Variants in FAM168A observed in about 807,000 individuals in gnomAD.
The protein encoded by FAM168A is family with sequence similarity 168 member A.
FAM168A carries 3 observed loss-of-function variants against 28.5 expected under a neutral mutation model. The observed-to-expected ratio is 0.11, with a 90% confidence interval of 0.05 to 0.27. FAM168A has a LOEUF of 0.27. FAM168A is among the 10% of genes least tolerant of loss of function. FAM168A has a pLI of 1.00. For synonymous variants in FAM168A, 122 were observed against 124.2 expected, an observed-to-expected ratio of 0.98 and a Z score of 0.12; for missense variants, 222 against 311.5, an observed-to-expected ratio of 0.71 and a Z score of 2.16.
rs1465984055 is a variant in FAM168A, at chr11:73,468,402, C to T, written c.70+3G>A. On this transcript the variant is annotated splice_donor_region_variant and intron_variant, in intron 2 of 7. Coordinates refer to ENST00000356467, the MANE Select transcript of FAM168A (RefSeq NM_015159.3). ...AAATGAGAGCCATTCTCACACTACT[C>T]ACCCGTGTAGGCCATGTTCTTAGGG... 9.9e-6 allele frequency: 16 copies of T among 1,613,764 alleles called. No homozygotes were observed. Among genetic ancestry groups the T allele is most frequent in the African/African-American group, 1.3e-5 (1 of 74,932 alleles).
At chr11:73,504,978 G>C (rs1315872398) in intron 1 of FAM168A, among the ~76,000 whole-genome samples, 2 of 152,064 alleles carry the variant, frequency 1.3e-5, no homozygotes, top group Non-Finnish European at 2.9e-5. Context: ...CACAGAGAGG[G>C]GAACAACACA....
chr11:73,411,271 G>A, intron 5 of FAM168A, 123 bp downstream of exon 5: 1 of 1,096,232 alleles, frequency 9.1e-7, no homozygotes, highest in Non-Finnish European at 1.3e-6. Context: ...ATACAACAAG[G>A]ACGGCTAGCC....
intron 1 of FAM168A, among the ~76,000 whole-genome samples, chr11:73,545,292 C>A (rs1427847642): frequency 6.6e-6 from 1 of 151,102 alleles, no homozygotes; most frequent in Non-Finnish European, 1.5e-5. Flanking sequence ...TCCCAAAGTG[C>A]TGGAATTACA....
intron 1 of FAM168A, among the ~76,000 whole-genome samples, chr11:73,519,744 C>G (rs78539709): frequency 6.6e-6 from 1 of 151,802 alleles, no homozygotes; most frequent in East Asian, 1.9e-4. Flanking sequence ...ACACAGAGAA[C>G]AAGGGAGAGA....
intron 1 of FAM168A, among the ~76,000 whole-genome samples, chr11:73,496,923 A>ACACG (rs1854900652): frequency 6.6e-6 from 1 of 151,608 alleles, no homozygotes; most frequent in African/African-American, 2.4e-5. Flanking sequence ...ACACGCACAC[A>ACACG]CACACACAGT....
intron 4 of FAM168A, chr11:73,412,356 T>A (rs961846656): frequency 2.6e-5 from 4 of 152,230 alleles, no homozygotes; most frequent in Non-Finnish European, 5.9e-5. Context: ...GGGCCATGTC[T>A]GTCCCTCAGC....
At chr11:73,449,730 G>A (rs1295413419) in intron 2 of FAM168A, among the ~76,000 whole-genome samples, 1 of 152,228 alleles carries the variant, frequency 6.6e-6, no homozygotes, top group Non-Finnish European at 1.5e-5. Flanking sequence ...CTCCTGCCAT[G>A]CAGGCATAAG....
intron 6 of FAM168A, among the ~76,000 whole-genome samples, chr11:73,408,366 G>C (rs1161160288): frequency 6.6e-6 from 1 of 152,200 alleles, no homozygotes; most frequent in Admixed American, 6.5e-5. Context: ...TTGCCAACTT[G>C]ATCTGAGGAG....
At chr11:73,495,271 G>A (rs1046169890) in intron 1 of FAM168A, among the ~76,000 whole-genome samples, 5 of 152,338 alleles carry the variant, frequency 3.3e-5, no homozygotes, top group South Asian at 4.1e-4. Flanking sequence ...AGAGCTTGCA[G>A]TGAGCCGAGA....
chr11:73,559,080 G>A (rs570217320), intron 1 of FAM168A, among the ~76,000 whole-genome samples: 2 of 152,288 alleles, frequency 1.3e-5, no homozygotes, highest in East Asian at 3.9e-4. Context: ...TCTATACAAT[G>A]TAATATTACT....
At chr11:73,431,733 T>C (rs1866998269) in intron 2 of FAM168A, among the ~76,000 whole-genome samples, 2 of 152,018 alleles carry the variant, frequency 1.3e-5, no homozygotes, top group Non-Finnish European at 2.9e-5. Context: ...GTATACTATA[T>C]TCAGTTTGGG....
intron 1 of FAM168A, among the ~76,000 whole-genome samples, chr11:73,547,947 T>C (rs1290658480): frequency 6.6e-6 from 1 of 152,134 alleles, no homozygotes; most frequent in African/African-American, 2.4e-5. Flanking sequence ...TGGATGAATC[T>C]CGAAGATATT....
At chr11:73,487,116 T>TG (rs1404745364) in intron 1 of FAM168A, among the ~76,000 whole-genome samples, 1 of 152,154 alleles carries the variant, frequency 6.6e-6, no homozygotes, top group African/African-American at 2.4e-5. Context: ...GCTTTTTTCC[T>TG]TTTTTCCAAC....
intron 1 of FAM168A, among the ~76,000 whole-genome samples, chr11:73,565,081 A>T (rs904917326): frequency 3.3e-4 from 51 of 152,278 alleles, no homozygotes; most frequent in Non-Finnish European, 1.0e-4. Context: ...CTGCCACAGA[A>T]GCTCATTTAA....
intron 3 of FAM168A, among the ~76,000 whole-genome samples, chr11:73,421,071 T>TGG (rs34056123): frequency 0.023 from 2,665 of 116,090 alleles, 72 homozygotes; most frequent in African/African-American, 0.072. Flanking sequence ...AATAAAGTCT[T>TGG]GGGGGGGGGG....
chr11:73,468,062 G>T (rs1867762224), intron 2 of FAM168A, among the ~76,000 whole-genome samples: 1 of 152,124 alleles, frequency 6.6e-6, no homozygotes, highest in South Asian at 2.1e-4. Context: ...ATAAATGGTA[G>T]CATTTTTTAA....
At chr11:73,461,666 T>C (rs1359413053) in intron 2 of FAM168A, among the ~76,000 whole-genome samples, 1 of 152,222 alleles carries the variant, frequency 6.6e-6, no homozygotes, top group African/African-American at 2.4e-5. Flanking sequence ...CAAAGGACAG[T>C]GAAGAGTCAT....
intron 1 of FAM168A, among the ~76,000 whole-genome samples, chr11:73,540,539 A>C (rs1314513690): frequency 6.6e-6 from 1 of 152,094 alleles, no homozygotes; most frequent in African/African-American, 2.4e-5. Flanking sequence ...CCTTCTTACT[A>C]TTCCACAAAA....
chr11:73,489,842 C>T (rs898648568), intron 1 of FAM168A, among the ~76,000 whole-genome samples: 3 of 152,126 alleles, frequency 2.0e-5, no homozygotes, highest in African/African-American at 7.2e-5. Flanking sequence ...CATCACTTGG[C>T]TTTTGGACAC....
Sources: gnomAD v4.1 joint callset for allele counts (sites outside exome capture counted in the v4.1 genomes callset) on GRCh38, gnomAD v4.1.1 for gene constraint, MANE v1.5 for transcripts, NCBI Gene and HGNC (gene_info 2026-07-23, HGNC 2026-07-21) for gene names.